Variants in CUEDC1 observed in about 807,000 individuals in gnomAD.
The protein encoded by CUEDC1 is CUE domain-containing protein 1.
CUEDC1 carries 30 observed loss-of-function variants against 43.7 expected under a neutral mutation model. That is an observed-to-expected ratio of 0.69 (90% CI 0.51 to 0.93). The LOEUF (loss-of-function observed/expected upper bound fraction) is 0.93. Ranked by LOEUF, CUEDC1 falls within the 40% of genes least tolerant of loss-of-function variation. The pLI, the probability that CUEDC1 is intolerant of heterozygous loss-of-function variation, is 0.00. For synonymous variants in CUEDC1, 223 were observed against 223.6 expected (o/e 1.00, Z 0.02); for missense variants, 486 against 549.0 (o/e 0.89, Z 1.15).
Position 57,944,198 on chromosome 17 carries a change from T to TA in CUEDC1, c.-316+11026_-316+11027insT, listed in dbSNP as rs1555570390. Among the ~76,000 whole-genome samples the TA allele has an allele frequency of 1.5e-3, 216 of 144,680 alleles. 2 individuals carry two copies. The highest frequency in any genetic ancestry group is 5.0e-3 in the African/African-American group (194 of 38,964). 94.9% of individuals were successfully genotyped at this position (144,680 alleles called of 152,430 possible). A position where few individuals can be genotyped will look rare whatever the true frequency, so the allele number is the denominator to read the frequency against. On this transcript the variant is annotated intron_variant, in intron 1 of 10. Coordinates refer to ENST00000577830, the MANE Select transcript of CUEDC1 (RefSeq NM_001271875.2). ...ATGTTAGTTATTATTATTTATTTTT[T>TA]TATATATATATATTTTTTTTTTTTT...
At chr17:57,872,564 C>G (rs1464616557) in intron 5 of CUEDC1, 99 bp downstream of exon 5, 1 of 1,339,316 alleles carries the variant, frequency 7.5e-7, no homozygotes, top group Non-Finnish European at 1.0e-6. Flanking sequence ...GCACCTGGCC[C>G]CCTCAGCCCC....
chr17:57,874,901 A>T (rs1371648704), intron 3 of CUEDC1, among the ~76,000 whole-genome samples: 1 of 152,090 alleles, frequency 6.6e-6, no homozygotes, highest in Admixed American at 6.5e-5. Flanking sequence ...AGCAGAAGGG[A>T]TAACCAGCTG....
At position 57,885,292 on chromosome 17, in the gene CUEDC1, G is replaced by A. The variant is rs1233626065; in HGVS notation, c.273C>T (p.Gly91=). The stretch of plus-strand genomic sequence containing the variant: ...CATAGACGCCGCCGCTGCTGCCACC[G>A]CCCTCCAGGTTCATCTGCAGCAGCT... ...IDQLLQMNLE[G]GGSSGGVYED... Residue 91 remains glycine, a synonymous_variant, in exon 2 of 11, where the codon GGC becomes GGT. Coordinates refer to ENST00000577830, the MANE Select transcript of CUEDC1 (RefSeq NM_001271875.2). 5 of 1,608,714 alleles carry A rather than the reference G, an allele frequency of 3.1e-6. No individual in the cohort carries two copies. Among genetic ancestry groups the A allele is most frequent in the South Asian group, 1.1e-5 (1 of 89,976 alleles).
At chr17:57,924,439 T>TAAA (rs56888330) in intron 1 of CUEDC1, among the ~76,000 whole-genome samples, 68,920 of 151,780 alleles carry the variant, frequency 0.45, 16,910 homozygotes, top group African/African-American at 0.63. Flanking sequence ...TCAAAACTCT[T>TAAA]AATCTCTGCG....
chr17:57,895,836 A>C (rs1372379831), intron 1 of CUEDC1, among the ~76,000 whole-genome samples: 1 of 152,200 alleles, frequency 6.6e-6, no homozygotes, highest in Non-Finnish European at 1.5e-5. Context: ...GGGCCAAGGA[A>C]GCTGGGTTGG....
chr17:57,885,431 A>G lies in CUEDC1; in HGVS notation c.134T>C (p.Leu45Pro). The G allele has an allele frequency of 6.2e-7, 1 of 1,602,440 alleles. No individual in the cohort carries two copies. ...NSRPARQVRRLEFNQAMDDFK... is the reference protein window; with the variant it reads ...NSRPARQVRRPEFNQAMDDFK... ...GTCGTCCATGGCCTGGTTGAACTCC[A>G]GGCGGCGCACCTGGCGGGCAGGCCG... Residue 45 changes from leucine to proline, a missense_variant, in exon 2 of 11, where the codon CTG becomes CCG. By Grantham distance (98) the Leu-to-Pro change is moderately conservative (BLOSUM62 -3). Coordinates refer to ENST00000577830, the MANE Select transcript of CUEDC1 (RefSeq NM_001271875.2).
chr17:57,865,676 G>A (rs1385458761), intron 10 of CUEDC1, among the ~76,000 whole-genome samples: 3 of 152,128 alleles, frequency 2.0e-5, no homozygotes, highest in Admixed American at 6.5e-5. Flanking sequence ...ATGGCTTGGA[G>A]CCCTGGGGCT....
At chr17:57,940,526 G>A (rs1229126291) in intron 1 of CUEDC1, among the ~76,000 whole-genome samples, 1 of 152,106 alleles carries the variant, frequency 6.6e-6, no homozygotes, top group Non-Finnish European at 1.5e-5. Context: ...AGATGATGTG[G>A]CTACAGATGG....
chr17:57,910,237 T>C (rs2074568921), intron 1 of CUEDC1, among the ~76,000 whole-genome samples: 1 of 152,182 alleles, frequency 6.6e-6, no homozygotes, highest in Non-Finnish European at 1.5e-5. Context: ...AGACTGGAGT[T>C]CATGGAGTAA....
chr17:57,868,911 C>T (rs1339413129), intron 7 of CUEDC1, among the ~76,000 whole-genome samples: 2 of 152,172 alleles, frequency 1.3e-5, no homozygotes, highest in African/African-American at 2.4e-5. Context: ...ACATCTGGCT[C>T]AAGAGGATTT....
chr17:57,922,683 T>C (rs184023091), intron 1 of CUEDC1: 1 of 152,122 alleles, frequency 6.6e-6, no homozygotes, highest in African/African-American at 2.4e-5. Context: ...ACAGGAAGAG[T>C]GCTACCACCT....
chr17:57,952,796 C>A (rs1011006479), intron 1 of CUEDC1, among the ~76,000 whole-genome samples: 4 of 152,208 alleles, frequency 2.6e-5, no homozygotes, highest in Non-Finnish European at 5.9e-5. Flanking sequence ...CTACAGCTCT[C>A]TGTGGGGGAC....
chr17:57,937,197 T>C (rs901676854), intron 1 of CUEDC1, among the ~76,000 whole-genome samples: 2 of 152,170 alleles, frequency 1.3e-5, no homozygotes, highest in African/African-American at 4.8e-5. Context: ...CTATTAATAA[T>C]ATTAGTTAAC....
intron 1 of CUEDC1, among the ~76,000 whole-genome samples, chr17:57,942,209 T>A (rs1391447493): frequency 1.3e-5 from 2 of 152,146 alleles, no homozygotes; most frequent in African/African-American, 4.8e-5. Flanking sequence ...CTGGCTGGGC[T>A]GGGAGTGCTC....
intron 1 of CUEDC1, among the ~76,000 whole-genome samples, chr17:57,928,690 G>A (rs2074773771): frequency 6.6e-6 from 1 of 151,828 alleles, no homozygotes; most frequent in African/African-American, 2.4e-5. Flanking sequence ...ATAGCGAAGA[G>A]GGCAACTTGA....
intron 1 of CUEDC1, among the ~76,000 whole-genome samples, chr17:57,951,436 G>A (rs1185408170): frequency 6.6e-6 from 1 of 151,988 alleles, no homozygotes; most frequent in African/African-American, 2.4e-5. Context: ...GCTTCCTGGG[G>A]GTGGAAGTTA....
rs183230228 is a variant in CUEDC1 at position 57,934,756 on chromosome 17, G to A, written c.-316+20469C>T. Reference sequence around the variant, plus strand: ...AGAATCTCACTCTGTTGCCCAGGCTGGCATGCAGTGGCGTGATTTCGGCTC... The same window carrying A: ...AGAATCTCACTCTGTTGCCCAGGCTAGCATGCAGTGGCGTGATTTCGGCTC... On this transcript the variant is annotated intron_variant, in intron 1 of 10. Transcript: ENST00000577830. Among the ~76,000 whole-genome samples, 9 of 152,194 alleles carry A rather than the reference G, an allele frequency of 5.9e-5. No homozygotes were observed. In the East Asian group the frequency reaches 1.7e-3, roughly 29 times the overall value.
At chr17:57,873,843 TC>T in intron 3 of CUEDC1, 126 bp from the exon 4 acceptor site, 1 of 1,005,896 alleles carries the variant, frequency 9.9e-7, no homozygotes, top group Non-Finnish European at 1.4e-6. Context: ...CTCCACTGCC[TC>T]CAGAACAAAG....
intron 1 of CUEDC1, among the ~76,000 whole-genome samples, chr17:57,951,212 A>G (rs1787659904): frequency 6.6e-6 from 1 of 152,094 alleles, no homozygotes; most frequent in African/African-American, 2.4e-5. Flanking sequence ...AGAAATGGCA[A>G]TAATAATAAT....
Sources: gnomAD v4.1 joint callset for allele counts (sites outside exome capture counted in the v4.1 genomes callset) on GRCh38, gnomAD v4.1.1 for gene constraint, MANE v1.5 for transcripts, NCBI Gene and HGNC (gene_info 2026-07-23, HGNC 2026-07-21) for gene names.